HCN1: variants seen among roughly 807,000 people sequenced by gnomAD.
HCN1 encodes potassium/sodium hyperpolarization-activated cyclic nucleotide-gated channel 1.
In HCN1, 13 loss-of-function variants were observed where a neutral mutation model predicts 78.9. That is an observed-to-expected ratio of 0.16 (90% CI 0.11 to 0.26). The LOEUF (loss-of-function observed/expected upper bound fraction) is 0.26, where lower values mean the gene tolerates loss of function less well. HCN1 is among the 10% of genes least tolerant of loss of function. HCN1 has a pLI of 1.00. For synonymous variants in HCN1, 552 were observed against 455.5 expected, an observed-to-expected ratio of 1.21 and a Z score of -2.70; for missense variants, 810 against 1,154.3, an observed-to-expected ratio of 0.70 and a Z score of 4.32.
intron 5 of HCN1, among the ~76,000 whole-genome samples, chr5:45,330,325 G>A (rs78744516): frequency 0.038 from 5,682 of 151,166 alleles, 182 homozygotes; most frequent in Non-Finnish European, 0.051. Flanking sequence ...CAAATACAAG[G>A]AAGGAAATTG....
chr5:45,600,528 C>A (rs1561215911), intron 2 of HCN1, among the ~76,000 whole-genome samples: 1 of 152,116 alleles, frequency 6.6e-6, no homozygotes, highest in Non-Finnish European at 1.5e-5. Flanking sequence ...TACCAGTATA[C>A]TAGCCATTAG....
chr5:45,478,250 C>T (rs1345550995), intron 2 of HCN1, among the ~76,000 whole-genome samples: 1 of 151,896 alleles, frequency 6.6e-6, no homozygotes, highest in Non-Finnish European at 1.5e-5. Flanking sequence ...ACATAGGGTG[C>T]TCAGGGTAAA....
chr5:45,523,138 T>G (rs1221541110), intron 2 of HCN1, among the ~76,000 whole-genome samples: 1 of 152,120 alleles, frequency 6.6e-6, no homozygotes, highest in African/African-American at 2.4e-5. Context: ...GATAGTTTAC[T>G]GAGAATGATG....
At chr5:45,542,679 G>A (rs1743130270) in intron 2 of HCN1, among the ~76,000 whole-genome samples, 1 of 152,072 alleles carries the variant, frequency 6.6e-6, no homozygotes, top group African/African-American at 2.4e-5. Flanking sequence ...ATTCACCCAC[G>A]AGGACTGACT....
intron 5 of HCN1, among the ~76,000 whole-genome samples, chr5:45,317,861 T>C (rs1279362693): frequency 6.6e-6 from 1 of 152,048 alleles, no homozygotes; most frequent in African/African-American, 2.4e-5. Context: ...AAAACCACAA[T>C]GAGATACCAT....
At chr5:45,664,951 A>G (rs989660664) in intron 1 of HCN1, among the ~76,000 whole-genome samples, 1 of 151,922 alleles carries the variant, frequency 6.6e-6, no homozygotes, top group Non-Finnish European at 1.5e-5. Flanking sequence ...ATTACTGGGT[A>G]TATACCCAAA....
At chr5:45,389,230 GCTT>G (rs1350672505) in intron 4 of HCN1, among the ~76,000 whole-genome samples, 1 of 152,022 alleles carries the variant, frequency 6.6e-6, no homozygotes, top group Non-Finnish European at 1.5e-5. Flanking sequence ...ACTGTGGTAA[GCTT>G]CTTCATACCT....
intron 4 of HCN1, among the ~76,000 whole-genome samples, chr5:45,374,529 C>A (rs1444630571): frequency 6.7e-6 from 1 of 149,432 alleles, no homozygotes; most frequent in Non-Finnish European, 1.5e-5. Context: ...CCACAAAAAG[C>A]CCAGGACCAG....
chr5:45,569,695 A>G (rs550188883), intron 2 of HCN1, among the ~76,000 whole-genome samples: 13 of 152,046 alleles, frequency 8.6e-5, no homozygotes, highest in Non-Finnish European at 1.5e-4. Flanking sequence ...TCAAACATCC[A>G]TTTTTTTAAC....
At chr5:45,365,547 A>G (rs942451922) in intron 4 of HCN1, among the ~76,000 whole-genome samples, 1 of 152,020 alleles carries the variant, frequency 6.6e-6, no homozygotes, top group Admixed American at 6.6e-5. Context: ...GCTGTGTAGT[A>G]TTCCATACAT....
intron 2 of HCN1, among the ~76,000 whole-genome samples, chr5:45,605,287 A>C (rs184966669): frequency 2.6e-5 from 4 of 152,126 alleles, no homozygotes; most frequent in Non-Finnish European, 5.9e-5. Flanking sequence ...AAAAACATTC[A>C]TGTCTTTAAC....
chr5:45,348,998 G>C (rs182791501), intron 5 of HCN1, among the ~76,000 whole-genome samples: 19 of 152,258 alleles, frequency 1.2e-4, no homozygotes. Context: ...CCCAGGAATT[G>C]AACTCAGCTC....
chr5:45,541,588 G>C (rs748201678), intron 2 of HCN1, among the ~76,000 whole-genome samples: 20 of 149,688 alleles, frequency 1.3e-4, no homozygotes, highest in Non-Finnish European at 2.2e-4. Flanking sequence ...AGTAGGAAGA[G>C]AATTAAGCAA....
chr5:45,446,853 C>T (rs1009837541), intron 3 of HCN1, among the ~76,000 whole-genome samples: 1 of 151,648 alleles, frequency 6.6e-6, no homozygotes, highest in Non-Finnish European at 1.5e-5. Context: ...ATTTTGTCAC[C>T]ACCAGGCCTG....
intron 2 of HCN1, among the ~76,000 whole-genome samples, chr5:45,467,736 T>G (rs540118771): frequency 1.7e-4 from 26 of 152,260 alleles, no homozygotes; most frequent in African/African-American, 6.0e-4. Context: ...TAAAGTTTTA[T>G]ATTTTCAAAA....
intron 3 of HCN1, among the ~76,000 whole-genome samples, chr5:45,416,287 A>G (rs1259567942): frequency 6.6e-6 from 1 of 151,786 alleles, no homozygotes; most frequent in Non-Finnish European, 1.5e-5. Flanking sequence ...CACTTGATTT[A>G]CTCGAGTGAG....
chr5:45,325,776 T>C (rs1224883361), intron 5 of HCN1, among the ~76,000 whole-genome samples: 1 of 151,596 alleles, frequency 6.6e-6, no homozygotes, highest in Non-Finnish European at 1.5e-5. Context: ...TTCAATGTCT[T>C]AATTTTAAAG....
intron 2 of HCN1, among the ~76,000 whole-genome samples, chr5:45,617,899 C>T (rs1032930935): frequency 2.0e-5 from 3 of 151,990 alleles, no homozygotes; most frequent in African/African-American, 7.2e-5. Context: ...CCTCCCCAAC[C>T]CAACCTGTTC....
At chr5:45,513,614 G>T (rs543357913) in intron 2 of HCN1, among the ~76,000 whole-genome samples, 82 of 152,204 alleles carry the variant, frequency 5.4e-4, no homozygotes, top group Non-Finnish European at 9.4e-4. Flanking sequence ...GCAGTGGCAT[G>T]TGATTCTCAC....
Sources: gnomAD v4.1 joint callset for allele counts (sites outside exome capture counted in the v4.1 genomes callset) on GRCh38, gnomAD v4.1.1 for gene constraint, MANE v1.5 for transcripts, NCBI Gene and HGNC (gene_info 2026-07-23, HGNC 2026-07-21) for gene names.